The following GADL1 variants were observed in gnomAD, a reference collection of about 807,000 sequenced individuals.
The protein encoded by GADL1 is GAD like acidic amino acid decarboxylase 1.
In GADL1, 71 loss-of-function variants were observed where a neutral mutation model predicts 69.5. The observed-to-expected ratio is 1.02, with a 90% confidence interval of 0.84 to 1.25. The LOEUF is 1.25. Among genes scored for constraint, GADL1 ranks in the 50% most tolerant of loss-of-function variants. The probability of loss-of-function intolerance (pLI) is 0.00; values close to 1 mark genes in which losing one functional copy is unlikely to be tolerated. For missense variants in GADL1, 737 were observed against 631.8 expected, an observed-to-expected ratio of 1.17 and a Z score of -1.79; for synonymous variants, 254 against 214.4, an observed-to-expected ratio of 1.18 and a Z score of -1.62.
At chr3:30,861,568 A>G (rs993427089) in intron 2 of GADL1, 25 bp downstream of exon 2, 10 of 1,518,062 alleles carry the variant, frequency 6.6e-6, no homozygotes, top group South Asian at 1.2e-5. Flanking sequence ...CATTTCTGCA[A>G]TTTCTTACAG....
chr3:30,845,455 A>G (rs1156978267), intron 6 of GADL1, among the ~76,000 whole-genome samples: 2 of 152,220 alleles, frequency 1.3e-5, no homozygotes, highest in Non-Finnish European at 2.9e-5. Context: ...ACATTAAAAG[A>G]GTAGTCATGC....
chr3:30,750,422 C>T (rs1187453217), intron 14 of GADL1, among the ~76,000 whole-genome samples: 2 of 152,144 alleles, frequency 1.3e-5, no homozygotes, highest in African/African-American at 4.8e-5. Flanking sequence ...TATGATGCAT[C>T]GTCCACATCC....
At chr3:30,827,617 A>C (rs189477812) in intron 11 of GADL1, among the ~76,000 whole-genome samples, 72 of 152,082 alleles carry the variant, frequency 4.7e-4, no homozygotes, top group African/African-American at 1.7e-3. Flanking sequence ...GAAAGAAAGC[A>C]GAAATGACAG....
At chr3:30,794,987 G>C (rs1327820964) in intron 12 of GADL1, among the ~76,000 whole-genome samples, 1 of 152,106 alleles carries the variant, frequency 6.6e-6, no homozygotes, top group East Asian at 1.9e-4. Context: ...GTATTTTAGA[G>C]ACCTGACCCT....
intron 11 of GADL1, among the ~76,000 whole-genome samples, chr3:30,820,406 G>A (rs1037376694): frequency 1.3e-5 from 2 of 151,946 alleles, no homozygotes; most frequent in Non-Finnish European, 2.9e-5. Context: ...CTAGATATTA[G>A]AATGAAAAAA....
chr3:30,819,629 C>G (rs1013637447), intron 11 of GADL1, among the ~76,000 whole-genome samples: 5 of 151,308 alleles, frequency 3.3e-5, no homozygotes, highest in African/African-American at 9.7e-5. Flanking sequence ...TCTTACAGAA[C>G]AAAAACATAA....
chr3:30,835,075 T>C (rs944690964), intron 9 of GADL1, among the ~76,000 whole-genome samples: 4 of 152,106 alleles, frequency 2.6e-5, no homozygotes, highest in African/African-American at 9.7e-5. Flanking sequence ...ATTTAAACCT[T>C]ACAGCATTCC....
In GADL1 at chr3:30,785,819, ATTAAATAT is replaced by A. The variant is rs995577268; in HGVS notation, c.1302+528_1302+535del. On this transcript the variant is annotated intron_variant, in intron 13 of 14. Coordinates refer to ENST00000282538, the MANE Select transcript of GADL1 (RefSeq NM_207359.3). ...TATTTCTTAAAAACCAGAATTACAC[ATTAAATAT>A]TTATATTTTCTAAACATGTTTTAGA... 5.4e-3 allele frequency among the ~76,000 whole-genome samples: 719 copies of A among 133,992 alleles called. 6 individuals carry two copies. Among genetic ancestry groups the A allele is most frequent in the African/African-American group, 0.026 (692 of 26,664 alleles). 87.9% of individuals were successfully genotyped at this position (133,992 alleles called of 152,430 possible). A position where few individuals can be genotyped will look rare whatever the true frequency, so the allele number is the denominator to read the frequency against.
chr3:30,752,489 TTG>T (rs775591626), intron 14 of GADL1, among the ~76,000 whole-genome samples: 31 of 152,290 alleles, frequency 2.0e-4, no homozygotes, highest in Non-Finnish European at 2.8e-4. Flanking sequence ...TACTATAAAT[TTG>T]GGATAGCCCT....
At chr3:30,773,123 G>A (rs1696454624) in intron 14 of GADL1, among the ~76,000 whole-genome samples, 1 of 151,618 alleles carries the variant, frequency 6.6e-6, no homozygotes, top group Non-Finnish European at 1.5e-5. Context: ...ATGATCCTTA[G>A]AGTGGTACAA....
intron 12 of GADL1, among the ~76,000 whole-genome samples, chr3:30,794,540 C>T (rs79904743): frequency 9.2e-5 from 14 of 152,272 alleles, no homozygotes; most frequent in Non-Finnish European, 1.8e-4. Context: ...GCCCAGTAAT[C>T]ACATGTTGCT....
At chr3:30,828,815 ATG>A (rs1697737089) in intron 11 of GADL1, among the ~76,000 whole-genome samples, 1 of 151,926 alleles carries the variant, frequency 6.6e-6, no homozygotes, top group Non-Finnish European at 1.5e-5. Flanking sequence ...GCTCATGAGA[ATG>A]TAAATGCTTT....
intron 14 of GADL1, among the ~76,000 whole-genome samples, chr3:30,756,599 C>T (rs1258235611): frequency 1.3e-5 from 2 of 152,162 alleles, no homozygotes; most frequent in Non-Finnish European, 1.5e-5. Flanking sequence ...AATTCTGACC[C>T]AAGGCCTCAA....
chr3:30,729,595 C>T (rs1695424131), intron 14 of GADL1, among the ~76,000 whole-genome samples: 1 of 152,150 alleles, frequency 6.6e-6, no homozygotes, highest in Admixed American at 6.5e-5. Context: ...GATAATCCCA[C>T]ACCAGCCCAG....
At chr3:30,775,656 A>G (rs1696520691) in intron 14 of GADL1, among the ~76,000 whole-genome samples, 1 of 152,178 alleles carries the variant, frequency 6.6e-6, no homozygotes. Context: ...ATGGCAGAAA[A>G]GCATTTCCAA....
chr3:30,735,055 G>C (rs551158172), intron 14 of GADL1, among the ~76,000 whole-genome samples: 4 of 152,060 alleles, frequency 2.6e-5, no homozygotes, highest in Non-Finnish European at 5.9e-5. Context: ...TAGGTAAAAT[G>C]ATCTGATTTC....
rs1553635010 is a variant in GADL1 at position 30,745,986 on chromosome 3, T to TC, written c.1393-17572dup. On this transcript the variant is annotated intron_variant, in intron 14 of 14. Transcript: ENST00000282538. ...CCCTCCTGCTCCTCCTCCTCCTCCT[T>TC]CTTCTTCTTCTTTTTTCCTTTTATT... is the stretch of plus-strand genomic sequence containing the variant. Among the ~76,000 whole-genome samples, 777 of 140,626 alleles carry TC rather than the reference T, an allele frequency of 5.5e-3. 7 individuals carry two copies. Among genetic ancestry groups the TC allele is most frequent in the African/African-American group, 0.016 (635 of 38,496 alleles). The allele number at this position is 140,626 out of a possible 152,430, so 92.3% of individuals were successfully genotyped here. A position where few individuals can be genotyped will look rare whatever the true frequency, so the allele number is the denominator to read the frequency against.
intron 14 of GADL1, among the ~76,000 whole-genome samples, chr3:30,749,187 G>A (rs983005164): frequency 1.3e-5 from 2 of 152,282 alleles, no homozygotes; most frequent in Middle Eastern, 6.8e-3. Flanking sequence ...CATAGTTTCT[G>A]TGAGTAATTG....
chr3:30,826,378 T>C (rs1428904067), intron 11 of GADL1, among the ~76,000 whole-genome samples: 1 of 151,902 alleles, frequency 6.6e-6, no homozygotes, highest in Non-Finnish European at 1.5e-5. Context: ...TGGCGTTCCA[T>C]ACTGAAACAG....
Sources: gnomAD v4.1 joint callset for allele counts (sites outside exome capture counted in the v4.1 genomes callset) on GRCh38, gnomAD v4.1.1 for gene constraint, MANE v1.5 for transcripts, NCBI Gene and HGNC (gene_info 2026-07-23, HGNC 2026-07-21) for gene names.